The following DGKB variants were observed in gnomAD, a reference collection of about 807,000 sequenced individuals.
DGKB encodes the protein diacylglycerol kinase beta, also known as 90 kDa diacylglycerol kinase.
Under a neutral mutation model 114.3 loss-of-function variants are expected in DGKB, and 67 were observed. That is an observed-to-expected ratio of 0.59 (90% CI 0.48 to 0.72). The LOEUF (loss-of-function observed/expected upper bound fraction) is 0.72, where lower values mean the gene tolerates loss of function less well. DGKB is among the 30% of genes least tolerant of loss of function. The pLI is 0.00. For missense variants in DGKB, 907 were observed against 975.2 expected (o/e 0.93, Z 0.93); for synonymous variants, 398 against 323.1 (o/e 1.23, Z -2.49).
At chr7:14,830,139 C>T (rs1846213532) in intron 2 of DGKB, among the ~76,000 whole-genome samples, 2 of 146,204 alleles carry the variant, frequency 1.4e-5, no homozygotes, top group Admixed American at 1.4e-4. Context: ...ATGCATCTGA[C>T]CAGTACTTTT....
intron 21 of DGKB, among the ~76,000 whole-genome samples, chr7:14,441,137 C>T (rs917716816): frequency 1.1e-4 from 16 of 151,886 alleles, no homozygotes; most frequent in African/African-American, 3.4e-4. Flanking sequence ...GACTCTCTAG[C>T]GGCTGGGATT....
intron 1 of DGKB, among the ~76,000 whole-genome samples, chr7:14,970,507 G>A (rs1334264036): frequency 6.6e-6 from 1 of 151,938 alleles, no homozygotes; most frequent in Non-Finnish European, 1.5e-5. Context: ...ATAAATGTTA[G>A]TCGATTGAAT....
At chr7:14,170,809 ACT>A (rs1424738222) in intron 25 of DGKB, among the ~76,000 whole-genome samples, 1 of 152,164 alleles carries the variant, frequency 6.6e-6, no homozygotes, top group Non-Finnish European at 1.5e-5. Context: ...GTCAAAATGA[ACT>A]CTAGATAACT....
chr7:14,556,299 A>T (rs984732781), intron 20 of DGKB, among the ~76,000 whole-genome samples: 2 of 152,150 alleles, frequency 1.3e-5, no homozygotes, highest in Non-Finnish European at 2.9e-5. Flanking sequence ...GGTAATATTA[A>T]AAAGGAAAGT....
chr7:14,364,606 A>C (rs1816333840), intron 21 of DGKB, among the ~76,000 whole-genome samples: 2 of 152,078 alleles, frequency 1.3e-5, no homozygotes, highest in African/African-American at 4.8e-5. Context: ...AAGCTACTAG[A>C]CTTTTTCTAA....
At chr7:14,471,644 G>T (rs1280909075) in intron 21 of DGKB, among the ~76,000 whole-genome samples, 4 of 151,692 alleles carry the variant, frequency 2.6e-5, no homozygotes, top group African/African-American at 9.7e-5. Context: ...TGTACGTAAA[G>T]GCTGAGAAAA....
rs189308628 is a variant in DGKB, at chr7:14,253,489, G to T, written c.2123-75338C>A. 3.5e-3 allele frequency among the ~76,000 whole-genome samples: 527 copies of T among 152,152 alleles called. 1 individual carries two copies. Among genetic ancestry groups the T allele is most frequent in the African/African-American group, 0.012 (505 of 41,498 alleles). On this transcript the variant is annotated intron_variant, in intron 23 of 25. Transcript: ENST00000402815. The stretch of plus-strand genomic sequence containing the variant: ...TTAGCACTATATTGTCTAACAATTC[G>T]TTAAGGGCCCTATTGCCTAATCTTA...
Position 14,330,187 on chromosome 7 carries a change from A to T in DGKB, c.2122+8328T>A, listed in dbSNP as rs185770795. Among the ~76,000 whole-genome samples, 193 of 152,148 alleles carry T rather than the reference A, an allele frequency of 1.3e-3. 1 individual carries two copies. The highest frequency in any genetic ancestry group is 4.5e-3 in the African/African-American group (186 of 41,576). ...TCCTCAGAAGTCATATAAGATTAACAATCTGAGCCTTAATTAAAAATCCTG... is the reference window on the plus strand; with the variant it reads ...TCCTCAGAAGTCATATAAGATTAACTATCTGAGCCTTAATTAAAAATCCTG... On this transcript the variant is annotated intron_variant, in intron 23 of 25. Transcript: ENST00000402815.
At chr7:14,968,562 A>G (rs1446173320) in intron 1 of DGKB, among the ~76,000 whole-genome samples, 1 of 152,130 alleles carries the variant, frequency 6.6e-6, no homozygotes, top group Non-Finnish European at 1.5e-5. Flanking sequence ...TGAGTAATTT[A>G]CCTAATAACC....
chr7:14,361,374 T>C (rs1815708151), intron 21 of DGKB, among the ~76,000 whole-genome samples: 1 of 152,068 alleles, frequency 6.6e-6, no homozygotes, highest in Non-Finnish European at 1.5e-5. Context: ...AAAATATTGA[T>C]ATTTTTAATC....
intron 21 of DGKB, among the ~76,000 whole-genome samples, chr7:14,429,533 C>T (rs1431533): frequency 0.097 from 14,786 of 152,096 alleles, 947 homozygotes; most frequent in East Asian, 0.29. Context: ...CTTTTAGGTG[C>T]CTTTAGTTCT....
chr7:14,422,684 A>G (rs1003318403), intron 21 of DGKB, among the ~76,000 whole-genome samples: 4 of 151,974 alleles, frequency 2.6e-5, no homozygotes, highest in Non-Finnish European at 5.9e-5. Flanking sequence ...AAGTTTCCCA[A>G]TTAAAACATT....
intron 20 of DGKB, among the ~76,000 whole-genome samples, chr7:14,549,595 G>A (rs1033066355): frequency 2.0e-4 from 30 of 152,052 alleles, no homozygotes; most frequent in Admixed American, 2.0e-4. Flanking sequence ...ACTTTGTTGA[G>A]CGATAAAGAG....
intron 1 of DGKB, among the ~76,000 whole-genome samples, chr7:14,897,663 C>A (rs1196383700): frequency 1.3e-5 from 2 of 151,840 alleles, no homozygotes; most frequent in East Asian, 3.9e-4. Context: ...TTTTATCCAT[C>A]ATATTCCAAA....
chr7:14,940,799 GTTA>G (rs1785531608), intron 1 of DGKB, among the ~76,000 whole-genome samples: 1 of 150,412 alleles, frequency 6.6e-6, no homozygotes, highest in Non-Finnish European at 1.5e-5. Context: ...TATTTTTTGT[GTTA>G]TTATTCTATA....
At chr7:14,546,586 A>G (rs1161018708) in intron 20 of DGKB, among the ~76,000 whole-genome samples, 1 of 152,114 alleles carries the variant, frequency 6.6e-6, no homozygotes. Context: ...GGAAGGTAAG[A>G]TTGTGTCTTT....
In DGKB at chr7:14,770,469, A is replaced by C. The variant is rs147200214; in HGVS notation, c.71-12738T>G. Among the ~76,000 whole-genome samples, 133 of 152,250 alleles carry C rather than the reference A, an allele frequency of 8.7e-4. 1 individual carries two copies. The highest frequency in any genetic ancestry group is 2.9e-3 in the African/African-American group (121 of 41,568). On this transcript the variant is annotated intron_variant, in intron 2 of 25. Transcript: ENST00000402815. Reference sequence around the variant, plus strand: ...TGCCTGGGAGCAGTCCAGGGAGAGCATGCCTCCATGTCAGAACTGTAGCAA... The same window carrying C: ...TGCCTGGGAGCAGTCCAGGGAGAGCCTGCCTCCATGTCAGAACTGTAGCAA...
chr7:14,849,088 A>C (rs890757662), intron 1 of DGKB, among the ~76,000 whole-genome samples: 5 of 152,094 alleles, frequency 3.3e-5, no homozygotes, highest in Admixed American at 3.3e-4. Flanking sequence ...TAGGAAACAG[A>C]TGGCACACTT....
At chr7:14,280,650 A>T (rs2128453435) in intron 23 of DGKB, among the ~76,000 whole-genome samples, 1 of 151,664 alleles carries the variant, frequency 6.6e-6, no homozygotes, top group East Asian at 2.0e-4. Flanking sequence ...CATCAGACTA[A>T]CAGCGGATCT....
Sources: gnomAD v4.1 joint callset for allele counts (sites outside exome capture counted in the v4.1 genomes callset) on GRCh38, gnomAD v4.1.1 for gene constraint, MANE v1.5 for transcripts, NCBI Gene and HGNC (gene_info 2026-07-23, HGNC 2026-07-21) for gene names.